The following HTRA1 variants were observed in gnomAD, a reference collection of about 807,000 sequenced individuals.
The protein encoded by HTRA1 is HtrA serine peptidase 1, also known as serine protease HTRA1.
Under a neutral mutation model 49.7 loss-of-function variants are expected in HTRA1, and 26 were observed. That is an observed-to-expected ratio of 0.52 (90% CI 0.38 to 0.73). The LOEUF is 0.73. Among genes scored for constraint, HTRA1 ranks in the 30% least tolerant of loss-of-function variants. HTRA1 has a pLI of 0.00. For missense variants in HTRA1, 561 were observed against 667.2 expected, an observed-to-expected ratio of 0.84 and a Z score of 1.75; for synonymous variants, 291 against 286.9, an observed-to-expected ratio of 1.01 and a Z score of -0.14.
intron 8 of HTRA1, among the ~76,000 whole-genome samples, chr10:122,513,437 T>C (rs1422533267): frequency 6.6e-6 from 1 of 151,910 alleles, no homozygotes; most frequent in Non-Finnish European, 1.5e-5. Flanking sequence ...CTCCTTGGGG[T>C]CATAAAGCCA....
intron 3 of HTRA1, among the ~76,000 whole-genome samples, chr10:122,499,358 G>A (rs1202058465): frequency 6.6e-6 from 1 of 152,182 alleles, no homozygotes; most frequent in Non-Finnish European, 1.5e-5. Flanking sequence ...GTGATAGGTC[G>A]AGAGAGACAG....
Position 122,475,994 on chromosome 10 carries a change from G to A in HTRA1, c.473-12908G>A, listed in dbSNP as rs115041465. 7.0e-3 allele frequency among the ~76,000 whole-genome samples: 1,071 copies of A among 152,282 alleles called. 16 individuals carry two copies. The highest frequency in any genetic ancestry group is 0.025 in the African/African-American group (1,032 of 41,546). ...ACCTGGGAAAGAAATGAGTGTTGTGGGGCAGCTTTGCTGCATTCACTGGGT... is the reference window on the plus strand; with the variant it reads ...ACCTGGGAAAGAAATGAGTGTTGTGAGGCAGCTTTGCTGCATTCACTGGGT... On this transcript the variant is annotated intron_variant, in intron 1 of 8. Coordinates refer to ENST00000368984, the MANE Select transcript of HTRA1 (RefSeq NM_002775.5).
chr10:122,495,791 G>A (rs1389652188), intron 3 of HTRA1, among the ~76,000 whole-genome samples: 2 of 152,266 alleles, frequency 1.3e-5, no homozygotes, highest in South Asian at 2.1e-4. Context: ...TCTTCATTGA[G>A]GGGGGAATAC....
At chr10:122,471,210 A>G (rs1298935122) in intron 1 of HTRA1, among the ~76,000 whole-genome samples, 1 of 152,132 alleles carries the variant, frequency 6.6e-6, no homozygotes, top group Non-Finnish European at 1.5e-5. Flanking sequence ...TGTGGCTCTG[A>G]AAAATATAGC....
intron 1 of HTRA1, among the ~76,000 whole-genome samples, chr10:122,473,290 G>A (rs564984634): frequency 7.1e-4 from 108 of 152,260 alleles, no homozygotes; most frequent in African/African-American, 2.4e-3. Context: ...GGACCAGTGA[G>A]GTGACCTGAA....
intron 1 of HTRA1, among the ~76,000 whole-genome samples, chr10:122,481,649 G>A (rs2097491045): frequency 6.6e-6 from 1 of 152,196 alleles, no homozygotes; most frequent in Non-Finnish European, 1.5e-5. Context: ...TGTCATGATT[G>A]GTGGCACCTT....
chr10:122,489,927 C>A (rs1157860465), intron 3 of HTRA1, among the ~76,000 whole-genome samples: 1 of 152,148 alleles, frequency 6.6e-6, no homozygotes, highest in African/African-American at 2.4e-5. Flanking sequence ...ATTGATTCTC[C>A]TTCCCATTCC....
rs879916467 is a variant in HTRA1 at position 122,514,534 on chromosome 10, G to A, written c.*175G>A. On this transcript the variant is annotated 3_prime_UTR_variant, in exon 9 of 9. Coordinates refer to ENST00000368984, the MANE Select transcript of HTRA1 (RefSeq NM_002775.5). ...TTGATAGTTTGCAGGCAAAACAAAT[G>A]TAATGTTGCAGATCCGCAGGCAGAA... 19 of 667,352 alleles carry A rather than the reference G, an allele frequency of 2.8e-5. No individual in the cohort carries two copies. Among genetic ancestry groups the A allele is most frequent in the Non-Finnish European group, 4.5e-5 (17 of 373,846 alleles). 41.3% of individuals were successfully genotyped at this position (667,352 alleles called of 1,614,324 possible).
At chr10:122,496,956 G>A (rs2097498975) in intron 3 of HTRA1, among the ~76,000 whole-genome samples, 1 of 152,172 alleles carries the variant, frequency 6.6e-6, no homozygotes, top group South Asian at 2.1e-4. Flanking sequence ...AGTGTCTTAA[G>A]TAGTCAGTCT....
At chr10:122,501,957 TG>T (rs1322310239) in intron 3 of HTRA1, among the ~76,000 whole-genome samples, 1 of 128,792 alleles carries the variant, frequency 7.8e-6, no homozygotes, top group Admixed American at 9.2e-5. Flanking sequence ...ATACTCCATT[TG>T]GAGTTTTTTT....
chr10:122,468,694 G>T (rs2097484852), intron 1 of HTRA1, among the ~76,000 whole-genome samples: 1 of 152,216 alleles, frequency 6.6e-6, no homozygotes, highest in African/African-American at 2.4e-5. Context: ...CATGTGACCA[G>T]TGTGTGGCTT....
At chr10:122,468,380 G>C (rs1430506969) in intron 1 of HTRA1, among the ~76,000 whole-genome samples, 2 of 150,408 alleles carry the variant, frequency 1.3e-5, no homozygotes, top group Non-Finnish European at 3.0e-5. Context: ...TAGAACTCAG[G>C]CAATATTAGC....
intron 1 of HTRA1, among the ~76,000 whole-genome samples, chr10:122,478,456 G>A (rs972800693): frequency 5.4e-5 from 8 of 147,080 alleles, no homozygotes; most frequent in Admixed American, 1.4e-4. Context: ...GCAGTGGTGC[G>A]ATCTCGGCTC....
chr10:122,500,296 A>G (rs2097500357), intron 3 of HTRA1, among the ~76,000 whole-genome samples: 1 of 152,212 alleles, frequency 6.6e-6, no homozygotes, highest in African/African-American at 2.4e-5. Flanking sequence ...GGGGAGTTGT[A>G]TGAAAAAGGG....
chr10:122,461,881 G>C lies in HTRA1; in HGVS notation c.229G>C (p.Gly77Arg), dbSNP rs2133905209. The change falls in exon 1 of 9, where the codon GGC becomes CGC. Residue 77 changes from glycine to arginine, a missense_variant. By Grantham distance (125) the Gly-to-Arg change is moderately radical. Around this residue, in one of 3 missense-constraint regions of HTRA1, gnomAD observed 271 missense variants for 410.0 expected, o/e 0.66. Transcript: ENST00000368984. ...CGGCGCGCCCGAGGGCGCCGCGTGC[G>C]GCCTGCAGGAGGGCCCGTGCGGCGA... The part of the protein sequence containing the change: ...VCGAPEGAAC[G>R]LQEGPCGEGL... 8.0e-7 allele frequency: 1 copy of C among 1,247,744 alleles called. No individual in the cohort carries two copies. Among genetic ancestry groups the C allele is most frequent in the East Asian group, 3.4e-5 (1 of 29,466 alleles). The allele number at this position is 1,247,744 out of a possible 1,614,324, so 77.3% of individuals were successfully genotyped here. A position where few individuals can be genotyped will look rare whatever the true frequency, so the allele number is the denominator to read the frequency against.
At chr10:122,499,662 C>T (rs1288369676) in intron 3 of HTRA1, among the ~76,000 whole-genome samples, 1 of 152,240 alleles carries the variant, frequency 6.6e-6, no homozygotes, top group African/African-American at 2.4e-5. Context: ...CGTAAACAAC[C>T]CTTCTGCGGC....
chr10:122,512,236 C>T (rs975192258), intron 8 of HTRA1, among the ~76,000 whole-genome samples, 171 bp downstream of exon 8: 14 of 152,104 alleles, frequency 9.2e-5, no homozygotes, highest in Non-Finnish European at 1.5e-4. Flanking sequence ...CGACCTGGCT[C>T]GGCTCGGGAC....
chr10:122,478,432 G>T (rs1254553484), intron 1 of HTRA1, among the ~76,000 whole-genome samples: 1 of 132,370 alleles, frequency 7.6e-6, no homozygotes, highest in Non-Finnish European at 1.5e-5. Flanking sequence ...TCACTCTGTT[G>T]CCCAGGCTGG....
At chr10:122,512,199 C>T (rs2097505974) in intron 8 of HTRA1, 134 bp downstream of exon 8, 3 of 756,002 alleles carry the variant, frequency 4.0e-6, no homozygotes, top group Admixed American at 3.9e-5. Context: ...TCGGACGTTG[C>T]TTGTCATTCC....
Sources: allele counts gnomAD v4.1 joint callset (sites outside exome capture counted in the v4.1 genomes callset), GRCh38; gene constraint gnomAD v4.1.1; regional missense constraint gnomAD v4.1.1; transcripts MANE v1.5; gene names NCBI Gene and HGNC (gene_info 2026-07-23, HGNC 2026-07-21).